DOCK1: variants seen among roughly 807,000 people sequenced by gnomAD.
DOCK1 encodes the protein dedicator of cytokinesis 1.
A neutral mutation model predicts 262.7 loss-of-function variants in DOCK1; 138 were observed. The observed-to-expected ratio is 0.53, with a 90% CI of 0.46 to 0.61. The LOEUF (loss-of-function observed/expected upper bound fraction) is 0.61. DOCK1 is among the 20% of genes least tolerant of loss of function. The probability of loss-of-function intolerance (pLI) is 0.00; values close to 1 mark genes in which losing one functional copy is unlikely to be tolerated. For synonymous variants in DOCK1, 866 were observed against 867.4 expected, an observed-to-expected ratio of 1.00 and a Z score of 0.03; for missense variants, 1,908 against 2,370.7, an observed-to-expected ratio of 0.80 and a Z score of 4.05.
At chr10:126,909,026 A>C (rs887307073) in intron 1 of DOCK1, among the ~76,000 whole-genome samples, 1 of 152,212 alleles carries the variant, frequency 6.6e-6, no homozygotes, top group Non-Finnish European at 1.5e-5. Flanking sequence ...AATATGTTAC[A>C]TGGCAAAAGG....
intron 27 of DOCK1, among the ~76,000 whole-genome samples, chr10:127,222,765 A>G (rs2058488068): frequency 6.7e-6 from 1 of 149,368 alleles, no homozygotes; most frequent in South Asian, 2.3e-4. Context: ...TCCTAGGCTA[A>G]AGTGATTCTC....
intron 19 of DOCK1, 102 bp from the exon 20 acceptor site, chr10:127,042,523 G>T (rs1248332691): frequency 2.9e-6 from 3 of 1,050,760 alleles, no homozygotes; most frequent in African/African-American, 3.1e-5. Flanking sequence ...AGTGCTGGGG[G>T]CAAAGTGGGT....
intron 27 of DOCK1, among the ~76,000 whole-genome samples, chr10:127,156,448 AG>A (rs1291756565): frequency 2.6e-5 from 4 of 152,192 alleles, no homozygotes; most frequent in African/African-American, 9.6e-5. Flanking sequence ...AATGTACAAG[AG>A]GAATCTTCCA....
Position 127,447,398 on chromosome 10 carries a change from G to C in DOCK1, c.5418G>C (p.Leu1806Phe). 1 of 1,612,240 alleles carries C rather than the reference G, an allele frequency of 6.2e-7. No homozygotes were observed. Among genetic ancestry groups the C allele is most frequent in the Non-Finnish European group, 8.5e-7 (1 of 1,179,170 alleles). ...AAATAGATCCCGGTTTTCCAGGCTT[G>C]GAGCTGAACGGCATGACGGGGGCGG... is the stretch of plus-strand genomic sequence containing the variant. The part of the protein sequence containing the change: ...AKLSFSMQSS[L>F]ELNGMTGADV... The change falls in exon 51 of 52, where the codon TTG becomes TTC. Residue 1806 changes from leucine to phenylalanine, a missense_variant. Transcript: ENST00000623213.
chr10:127,216,164 A>C (rs1325386330), intron 27 of DOCK1, among the ~76,000 whole-genome samples: 1 of 152,100 alleles, frequency 6.6e-6, no homozygotes, highest in Non-Finnish European at 1.5e-5. Context: ...TCTAGAGAGG[A>C]TGTAGTCTGC....
intron 1 of DOCK1, among the ~76,000 whole-genome samples, chr10:126,907,248 A>G (rs2031041294): frequency 6.6e-6 from 1 of 152,152 alleles, no homozygotes; most frequent in Non-Finnish European, 1.5e-5. Context: ...GGAACCTAGC[A>G]CCAGCACACG....
At chr10:127,410,486 A>C (rs970658478) in intron 42 of DOCK1, among the ~76,000 whole-genome samples, 8 of 152,168 alleles carry the variant, frequency 5.3e-5, no homozygotes, top group Non-Finnish European at 1.0e-4. Context: ...TAGATCTGAA[A>C]CTAAGGTATG....
intron 46 of DOCK1, among the ~76,000 whole-genome samples, chr10:127,422,800 G>T (rs2068594036): frequency 6.6e-6 from 1 of 152,112 alleles, no homozygotes; most frequent in Admixed American, 6.5e-5. Context: ...AAATTCCTCT[G>T]CAGGCTATAA....
intron 27 of DOCK1, among the ~76,000 whole-genome samples, chr10:127,231,813 TAGA>T (rs1263273618): frequency 6.6e-6 from 1 of 152,210 alleles, no homozygotes; most frequent in Non-Finnish European, 1.5e-5. Flanking sequence ...TTCAAACAAA[TAGA>T]AGACTGAGTG....
intron 21 of DOCK1, among the ~76,000 whole-genome samples, chr10:127,045,727 G>T (rs2044304479): frequency 6.6e-6 from 1 of 152,184 alleles, no homozygotes; most frequent in Admixed American, 6.5e-5. Flanking sequence ...GGACTGACCA[G>T]CACTGGTACA....
At chr10:126,935,613 G>A (rs1382773020) in intron 1 of DOCK1, among the ~76,000 whole-genome samples, 4 of 152,154 alleles carry the variant, frequency 2.6e-5, no homozygotes, top group African/African-American at 4.8e-5. Context: ...CCTTCCTTCC[G>A]CCTCTCTCCT....
chr10:127,422,615 G>A (rs550745537), intron 46 of DOCK1, among the ~76,000 whole-genome samples: 13 of 152,242 alleles, frequency 8.5e-5, no homozygotes, highest in East Asian at 1.9e-4. Flanking sequence ...GGTTTTGAAC[G>A]TCCTCAGAGT....
intron 27 of DOCK1, among the ~76,000 whole-genome samples, chr10:127,184,663 A>T (rs2056061422): frequency 6.6e-6 from 1 of 152,100 alleles, no homozygotes; most frequent in Non-Finnish European, 1.5e-5. Context: ...GCTACTCAGA[A>T]ATGCTCCATC....
intron 27 of DOCK1, among the ~76,000 whole-genome samples, chr10:127,238,115 A>G (rs940577992): frequency 2.6e-5 from 4 of 152,198 alleles, no homozygotes; most frequent in African/African-American, 9.6e-5. Flanking sequence ...GAATATTATG[A>G]TGCCTATGAA....
intron 35 of DOCK1, among the ~76,000 whole-genome samples, chr10:127,379,793 G>A (rs1395426255): frequency 1.3e-5 from 2 of 151,944 alleles, no homozygotes; most frequent in Middle Eastern, 3.2e-3. Flanking sequence ...TGTCTTTTTG[G>A]GCAATACCTT....
At chr10:127,153,092 C>G (rs993473725) in intron 27 of DOCK1, among the ~76,000 whole-genome samples, 17 of 152,140 alleles carry the variant, frequency 1.1e-4, no homozygotes, top group Non-Finnish European at 5.9e-5. Context: ...TGGTGGATCA[C>G]TAAAATTATT....
At chr10:127,028,540 A>G (rs1188272005) in intron 16 of DOCK1, among the ~76,000 whole-genome samples, 1 of 152,166 alleles carries the variant, frequency 6.6e-6, no homozygotes, top group Non-Finnish European at 1.5e-5. Context: ...TCAGTGGAAG[A>G]GCTTTGGTTC....
At chr10:127,341,980 G>A (rs185743750) in intron 30 of DOCK1, among the ~76,000 whole-genome samples, 1 of 152,258 alleles carries the variant, frequency 6.6e-6, no homozygotes, top group Non-Finnish European at 1.5e-5. Flanking sequence ...TGGCTCAAAG[G>A]CAGCCCTGGT....
intron 23 of DOCK1, among the ~76,000 whole-genome samples, chr10:127,103,094 G>A (rs539669454): frequency 3.3e-5 from 5 of 152,164 alleles, no homozygotes; most frequent in Admixed American, 6.5e-5. Context: ...TCACTGTGTC[G>A]TTCACGTGCA....
Sources: gnomAD v4.1 joint callset for allele counts (sites outside exome capture counted in the v4.1 genomes callset) on GRCh38, gnomAD v4.1.1 for gene constraint, MANE v1.5 for transcripts, NCBI Gene and HGNC (gene_info 2026-07-23, HGNC 2026-07-21) for gene names.